Variants in CCDC81 observed in about 807,000 individuals in gnomAD.
CCDC81 encodes coiled-coil domain containing 81.
A neutral mutation model predicts 83.7 loss-of-function variants in CCDC81; 79 were observed. That is an observed-to-expected ratio of 0.94 (90% CI 0.79 to 1.14). The LOEUF (loss-of-function observed/expected upper bound fraction) is 1.14. Ranked by LOEUF, CCDC81 falls within the 50% of genes most tolerant of loss-of-function variation. CCDC81 has a pLI of 0.00. For missense variants in CCDC81, 791 were observed against 778.1 expected, an observed-to-expected ratio of 1.02 and a Z score of -0.20; for synonymous variants, 252 against 278.1, an observed-to-expected ratio of 0.91 and a Z score of 0.93.
rs1404903215 is a variant in CCDC81, at chr11:86,375,239, G to A, written c.76G>A (p.Glu26Lys). 1 of 1,609,346 alleles carries A rather than the reference G, an allele frequency of 6.2e-7. No individual in the cohort carries two copies. Among genetic ancestry groups the A allele is most frequent in the East Asian group, 2.2e-5 (1 of 44,862 alleles). The change falls in exon 1 of 15, where the codon GAG becomes AAG. Residue 26 changes from glutamate (E) to lysine (K), a missense_variant. Glu to Lys is a moderately conservative substitution (Grantham distance 56). Coordinates refer to ENST00000445632, the MANE Select transcript of CCDC81 (RefSeq NM_001156474.2). ...VLPTLPSLSQEEVSIIWGNVS... is the reference protein window; with the variant it reads ...VLPTLPSLSQKEVSIIWGNVS... The stretch of plus-strand genomic sequence containing the variant: ...GCCCACTCTGCCCTCGCTGAGCCAG[G>A]AGGGTAAGCGTGTTGGGTAGCAGGG...
intron 1 of CCDC81, among the ~76,000 whole-genome samples, chr11:86,378,755 A>C (rs1469574928): frequency 6.6e-6 from 1 of 152,152 alleles, no homozygotes; most frequent in Non-Finnish European, 1.5e-5. Flanking sequence ...CCTTGATTTG[A>C]AGTCTGTTCT....
chr11:86,409,300 G>A lies in CCDC81; in HGVS notation c.1153G>A (p.Ala385Thr). The change falls in exon 10 of 15, where the codon GCT (alanine) becomes ACT (threonine). Residue 385 changes from alanine (A) to threonine (T), a missense_variant. By Grantham distance (58) the Ala-to-Thr change is moderately conservative. Coordinates refer to ENST00000445632, the MANE Select transcript of CCDC81 (RefSeq NM_001156474.2). ...LATREQNQKN[A>T]AYNLGVAEAI... ...TACTAGAGAACAGAATCAGAAAAAT[G>A]CTGCCTATAATCTTGGAGTTGCTGA... is the stretch of plus-strand genomic sequence containing the variant. The A allele has an allele frequency of 6.5e-7, 1 of 1,534,208 alleles. No individual in the cohort carries two copies. Among genetic ancestry groups the A allele is most frequent in the Non-Finnish European group, 8.7e-7 (1 of 1,143,814 alleles).
At chr11:86,402,126 C>A (rs1948498953) in intron 7 of CCDC81, among the ~76,000 whole-genome samples, 1 of 93,866 alleles carries the variant, frequency 1.1e-5, no homozygotes. Context: ...CAGAGCAAGA[C>A]TCTGTCTCAA....
At position 86,412,662 on chromosome 11, in the gene CCDC81, T is replaced by C. The variant is rs1948661998; in HGVS notation, c.1391+103T>C. The C allele has an allele frequency of 1.2e-5, 13 of 1,052,452 alleles. No homozygotes were observed. The East Asian group carries it at 3.5e-4, about 28-fold the overall frequency. The allele number at this position is 1,052,452 out of a possible 1,614,324, so 65.2% of individuals were successfully genotyped here. On this transcript the variant is annotated intron_variant, in intron 11 of 14. Transcript: ENST00000445632. The stretch of plus-strand genomic sequence containing the variant: ...AGCATTGGTAGTTTCATTAGCACAC[T>C]GTAACCAACTGAGCAAACTAACCCA...
At chr11:86,403,013 ATTTTTTTTTTT>A (rs545083032) in intron 7 of CCDC81, among the ~76,000 whole-genome samples, 8 of 112,490 alleles carry the variant, frequency 7.1e-5, no homozygotes, top group African/African-American at 2.6e-4. Context: ...TAATTTTTTG[ATTTTTTTTTTT>A]TTTTTTTTTT....
In CCDC81 at chr11:86,387,518, G is replaced by C. The variant is rs759232484; in HGVS notation, c.144G>C (p.Gly48=). Residue 48 remains glycine, a splice_region_variant and synonymous_variant, in exon 3 of 15, where the codon GGG becomes GGC. Transcript: ENST00000445632. ...FVRRQLTLHK[G]VQIPAFGTFT... ...TTTGTTTTGTTTTTTCCTTTCAGGG[G>C]GTTCAGATTCCAGCATTTGGAACTT... The C allele has an allele frequency of 1.9e-6, 3 of 1,613,298 alleles. No homozygotes were observed. In the African/African-American group the frequency reaches 4.0e-5, roughly 22 times the overall value.
intron 2 of CCDC81, among the ~76,000 whole-genome samples, chr11:86,386,827 C>T (rs1489218177): frequency 6.6e-6 from 1 of 152,182 alleles, no homozygotes; most frequent in Non-Finnish European, 1.5e-5. Flanking sequence ...CAGTACTAGT[C>T]TTCCATTGCT....
At chr11:86,384,188 T>G (rs960947764) in intron 1 of CCDC81, among the ~76,000 whole-genome samples, 1 of 152,228 alleles carries the variant, frequency 6.6e-6, no homozygotes, top group South Asian at 2.1e-4. Flanking sequence ...CATGTACATC[T>G]GGATACTGAG....
intron 6 of CCDC81, among the ~76,000 whole-genome samples, chr11:86,398,932 T>C (rs1431900995): frequency 1.3e-5 from 2 of 152,186 alleles, no homozygotes; most frequent in East Asian, 3.9e-4. Flanking sequence ...GGCCACACTT[T>C]GAGGACTGTT....
chr11:86,393,370 T>C (rs1040148849), intron 4 of CCDC81, among the ~76,000 whole-genome samples: 2 of 152,180 alleles, frequency 1.3e-5, no homozygotes, highest in Admixed American at 6.5e-5. Flanking sequence ...GCGTATGGTT[T>C]AAAAACTTCT....
chr11:86,385,494 A>G (rs1275900512), intron 1 of CCDC81, among the ~76,000 whole-genome samples: 2 of 152,262 alleles, frequency 1.3e-5, no homozygotes, highest in Non-Finnish European at 1.5e-5. Flanking sequence ...GAGTACTAGT[A>G]GAGCAAGTGA....
At chr11:86,391,114 C>G (rs921297133) in intron 3 of CCDC81, among the ~76,000 whole-genome samples, 4 of 152,146 alleles carry the variant, frequency 2.6e-5, no homozygotes, top group Non-Finnish European at 5.9e-5. Context: ...TGTCCTAACT[C>G]AGATAAGTGA....
At chr11:86,377,465 T>A (rs1178210669) in intron 1 of CCDC81, among the ~76,000 whole-genome samples, 1 of 152,152 alleles carries the variant, frequency 6.6e-6, no homozygotes, top group East Asian at 1.9e-4. Context: ...TCAGCATTTG[T>A]TGTTGTCAGT....
At chr11:86,398,730 G>C (rs887884171) in intron 6 of CCDC81, among the ~76,000 whole-genome samples, 2 of 152,004 alleles carry the variant, frequency 1.3e-5, no homozygotes, top group Admixed American at 1.3e-4. Flanking sequence ...GCACCACCAC[G>C]CCCAGCTAAT....
At chr11:86,410,236 G>A (rs1033348829) in intron 10 of CCDC81, among the ~76,000 whole-genome samples, 5 of 152,008 alleles carry the variant, frequency 3.3e-5, no homozygotes, top group African/African-American at 4.8e-5. Flanking sequence ...CTAGGTAGTC[G>A]ACACTCCGGA....
At chr11:86,411,876 T>C (rs1381429298) in intron 10 of CCDC81, among the ~76,000 whole-genome samples, 3 of 152,204 alleles carry the variant, frequency 2.0e-5, no homozygotes, top group Admixed American at 1.3e-4. Context: ...AAAGAACCAC[T>C]AGGCCTTCCA....
intron 12 of CCDC81, 110 bp downstream of exon 12, chr11:86,414,977 T>C (rs1408844411): frequency 7.0e-7 from 1 of 1,423,412 alleles, no homozygotes; most frequent in Non-Finnish European, 9.7e-7. Context: ...TTTGGTAGTT[T>C]TTGTGCCCCG....
Position 86,392,740 on chromosome 11 carries a change from T to TAA in CCDC81, c.500_501dup (p.Asp168LysfsTer17). 6.4e-7 allele frequency: 1 copy of TAA among 1,551,700 alleles called. No individual in the cohort carries two copies. The highest frequency in any genetic ancestry group is 1.2e-5 in the South Asian group (1 of 84,058). On this transcript the variant is annotated frameshift_variant, in exon 4 of 15. Coordinates refer to ENST00000445632, the MANE Select transcript of CCDC81 (RefSeq NM_001156474.2). LOFTEE classifies it high-confidence loss of function. ...ACAGCAAAGTGAAGATGAGGTTTTA[T>TAA]AAAGACTTCCTTTGTACCATGGATG...
At position 86,391,042 on chromosome 11, in the gene CCDC81, A is replaced by G. The variant is rs183520492; in HGVS notation, c.299-1499A>G. Among the ~76,000 whole-genome samples, 16 of 152,322 alleles carry G rather than the reference A, an allele frequency of 1.1e-4. No individual in the cohort carries two copies. In the East Asian group the frequency reaches 2.5e-3, roughly 24 times the overall value. ...CTTATAAGAAGTAGAAGAGGAGGGA[A>G]GCCAGCAAAGGGGGCCAAGGAGTCA... On this transcript the variant is annotated intron_variant, in intron 3 of 14. Transcript: ENST00000445632.
Sources: allele counts gnomAD v4.1 joint callset (sites outside exome capture counted in the v4.1 genomes callset), GRCh38; gene constraint gnomAD v4.1.1; transcripts MANE v1.5; gene names NCBI Gene and HGNC (gene_info 2026-07-23, HGNC 2026-07-21).